The following PPP2R1B variants were observed in gnomAD, a reference collection of about 807,000 sequenced individuals.
The protein encoded by PPP2R1B is serine/threonine-protein phosphatase 2A 65 kDa regulatory subunit A beta isoform.
PPP2R1B carries 58 observed loss-of-function variants against 72.7 expected under a neutral mutation model. That is an observed-to-expected ratio of 0.80 (90% CI 0.65 to 0.99). The LOEUF (loss-of-function observed/expected upper bound fraction) is 0.99, where lower values mean the gene tolerates loss of function less well. PPP2R1B is among the 50% of genes least tolerant of loss of function. The pLI is 0.00. For missense variants in PPP2R1B, 695 were observed against 733.6 expected (o/e 0.95, Z 0.61); for synonymous variants, 256 against 264.6 (o/e 0.97, Z 0.32).
chr11:111,708,637 G>C, the PPP2R1B span, among the ~76,000 whole-genome samples: 2 of 152,066 alleles, frequency 1.3e-5, no homozygotes, highest in African/African-American at 4.8e-5. Flanking sequence ...CAAGGCCAGA[G>C]GACAGTGGCA....
chr11:111,765,400 T>C lies in PPP2R1B; in HGVS notation c.115-16A>G. On this transcript the variant is annotated splice_polypyrimidine_tract_variant and intron_variant, in intron 1 of 14. Coordinates refer to ENST00000527614, the MANE Select transcript of PPP2R1B (RefSeq NM_002716.5). ...TGAGTCGGAGCTTCAGAAAAGAAAG[T>C]AGAAAGAAGAACAATGTAAAGAAAC... The C allele has an allele frequency of 6.3e-7, 1 of 1,586,516 alleles. No homozygotes were observed. The highest frequency in any genetic ancestry group is 8.6e-7 in the Non-Finnish European group (1 of 1,159,552).
chr11:111,730,397 A>G (rs796633814), intron 15 of PPP2R1B: 2 of 152,230 alleles, frequency 1.3e-5, no homozygotes, highest in African/African-American at 4.8e-5. Context: ...AGGGGAAAGA[A>G]GTGGAGAGAA....
chr11:111,721,976 C>A, downstream of PPP2R1B: 1 of 1,472,406 alleles, frequency 6.8e-7, no homozygotes, highest in Non-Finnish European at 9.2e-7. Flanking sequence ...CCTCACTCTG[C>A]TCATCCAGAA....
At chr11:111,692,387 A>AAAAAAC in the PPP2R1B span, among the ~76,000 whole-genome samples, 1 of 113,486 alleles carries the variant, frequency 8.8e-6, no homozygotes, top group Non-Finnish European at 1.9e-5. Context: ...AAAAAAAAAA[A>AAAAAAC]ACACAAAAAG....
At chr11:111,720,019 G>A in the PPP2R1B span, 117 of 1,604,742 alleles carry the variant, frequency 7.3e-5, no homozygotes, top group African/African-American at 2.1e-4. Context: ...GTAGAGGAGC[G>A]ACACTAGCTT....
At chr11:111,721,732 G>T in the PPP2R1B span, 1 of 800,222 alleles carries the variant, frequency 1.2e-6, no homozygotes, top group Non-Finnish European at 1.9e-6. Context: ...CAGTGGAGTT[G>T]GTATTCCTAT....
At chr11:111,741,908 AG>A (rs1944533624) in intron 14 of PPP2R1B, 144 bp downstream of exon 14, 1 of 838,768 alleles carries the variant, frequency 1.2e-6, no homozygotes, top group Non-Finnish European at 2.0e-6. Context: ...TTCTAATCAG[AG>A]AGACACCAGC....
At chr11:111,715,757 T>A in the PPP2R1B span, among the ~76,000 whole-genome samples, 1 of 149,406 alleles carries the variant, frequency 6.7e-6, no homozygotes, top group African/African-American at 2.4e-5. Flanking sequence ...GAATTTTATA[T>A]ACATACATAT....
At chr11:111,703,058 A>T in the PPP2R1B span, 4 of 656,552 alleles carry the variant, frequency 6.1e-6, no homozygotes, top group Non-Finnish European at 1.0e-5. Flanking sequence ...AGTAGCCTGC[A>T]TGTGTTCATT....
At chr11:111,760,511 G>A (rs897288125) in intron 4 of PPP2R1B, among the ~76,000 whole-genome samples, 29 of 152,134 alleles carry the variant, frequency 1.9e-4, no homozygotes, top group Middle Eastern at 6.8e-3. Flanking sequence ...TTAGCCAGGC[G>A]CAGTAGTGTA....
chr11:111,749,701 G>C (rs1426772006), intron 10 of PPP2R1B, among the ~76,000 whole-genome samples: 3 of 152,142 alleles, frequency 2.0e-5, no homozygotes, highest in African/African-American at 7.2e-5. Context: ...AAAATATTTA[G>C]ATATGAAGAG....
In PPP2R1B at chr11:111,752,324, G is replaced by A. The variant is rs782707375; in HGVS notation, c.1173C>T (p.Asp391=). The part of the protein sequence containing the change: ...FLAQLKDECP[D]VRLNIISNLD... ...AATTGGAGATGATATTCAAACGAACGTCAGGACACTGCAAGTACACAAGCC... is the reference window on the plus strand; with the variant it reads ...AATTGGAGATGATATTCAAACGAACATCAGGACACTGCAAGTACACAAGCC... The change falls in exon 10 of 15, where the codon GAC becomes GAT. Residue 391 remains aspartate, a synonymous_variant. Coordinates refer to ENST00000527614, the MANE Select transcript of PPP2R1B (RefSeq NM_002716.5). 16 of 1,608,648 alleles carry A rather than the reference G, an allele frequency of 9.9e-6. No homozygotes were observed. The highest frequency in any genetic ancestry group is 4.0e-5 in the African/African-American group (3 of 74,688).
At position 111,739,267 on chromosome 11, in the gene PPP2R1B, T is replaced by C. The variant is rs1230597146; in HGVS notation, c.*2329A>G. On this transcript the variant is annotated 3_prime_UTR_variant, in exon 15 of 15. Transcript: ENST00000527614. ...CAGTAGAAGATAAAACAGACAAAAA[T>C]ACCAGCCTTACAGAGCTCCTAAAGC... The C allele has an allele frequency of 1.0e-6, 1 of 971,374 alleles. No homozygotes were observed. Among genetic ancestry groups the C allele is most frequent in the African/African-American group, 1.8e-5 (1 of 56,914 alleles). The allele number at this position is 971,374 out of a possible 1,614,324, so 60.2% of individuals were successfully genotyped here.
chr11:111,761,756 C>A (rs1324947794), intron 3 of PPP2R1B, among the ~76,000 whole-genome samples: 1 of 152,080 alleles, frequency 6.6e-6, no homozygotes, highest in African/African-American at 2.4e-5. Context: ...GTCAGGAGCT[C>A]GAGACCAGCC....
At chr11:111,727,397 C>T (rs922396282) in intron 15 of PPP2R1B, 15 of 321,482 alleles carry the variant, frequency 4.7e-5, no homozygotes, top group Admixed American at 1.7e-4. Flanking sequence ...GTGTTTAAAC[C>T]GTATGCTGGA....
the PPP2R1B span, among the ~76,000 whole-genome samples, chr11:111,713,638 C>T: frequency 6.6e-6 from 1 of 152,198 alleles, no homozygotes; most frequent in African/African-American, 2.4e-5. Context: ...ATTATACATA[C>T]TGAAAGACAG....
downstream of PPP2R1B, chr11:111,737,465 C>G: frequency 6.2e-7 from 1 of 1,614,272 alleles, no homozygotes; most frequent in South Asian, 1.1e-5. Flanking sequence ...ATGTCCTCTC[C>G]AGGCACTGTG....
chr11:111,714,600 T>C, the PPP2R1B span, among the ~76,000 whole-genome samples: 1 of 152,098 alleles, frequency 6.6e-6, no homozygotes, highest in Non-Finnish European at 1.5e-5. Context: ...GATAGACTAT[T>C]AAGGTCTAGG....
At chr11:111,697,387 C>T in the PPP2R1B span, among the ~76,000 whole-genome samples, 2 of 152,106 alleles carry the variant, frequency 1.3e-5, no homozygotes, top group South Asian at 4.1e-4. Context: ...AATGTTGTCC[C>T]CCATTCCCTG....
Sources: gnomAD v4.1 joint callset for allele counts (sites outside exome capture counted in the v4.1 genomes callset) on GRCh38, gnomAD v4.1.1 for gene constraint, MANE v1.5 for transcripts, NCBI Gene and HGNC (gene_info 2026-07-23, HGNC 2026-07-21) for gene names.